Variants in SYTL2 observed in about 807,000 individuals in gnomAD.
The protein encoded by SYTL2 is synaptotagmin-like protein 2.
SYTL2 carries 165 observed loss-of-function variants against 198.7 expected under a neutral mutation model. That is an observed-to-expected ratio of 0.83 (90% CI 0.73 to 0.94). SYTL2 has a LOEUF of 0.94. SYTL2 is among the 40% of genes least tolerant of loss of function. The pLI is 0.00. For missense variants in SYTL2, 2,835 were observed against 2,582.8 expected (o/e 1.10, Z -2.12); for synonymous variants, 966 against 917.7 (o/e 1.05, Z -0.95).
intron 2 of SYTL2, among the ~76,000 whole-genome samples, chr11:85,752,810 T>C (rs368739253): frequency 1.3e-5 from 2 of 149,552 alleles, no homozygotes; most frequent in African/African-American, 2.5e-5. Context: ...TATGTGAAGA[T>C]CCATGTACAG....
chr11:85,724,266 G>A lies in SYTL2; in HGVS notation c.5092C>T (p.Leu1698Phe), dbSNP rs764830537. ...ESGVAGGQGT[L>F]QEPGFGEASE... ...GCCTCTCCAAAGCCAGGTTCCTGAA[G>A]AGTCCCTTGTCCCCCTGCAACCCCA... The change falls in exon 8 of 20, where the codon CTT becomes TTT. Residue 1698 changes from leucine (L) to phenylalanine (F), a missense_variant. Coordinates refer to ENST00000359152, the MANE Select transcript of SYTL2 (RefSeq NM_206927.4). 1.9e-6 allele frequency: 3 copies of A among 1,565,808 alleles called. No individual in the cohort carries two copies. The highest frequency in any genetic ancestry group is 2.0e-5 in the Admixed American group (1 of 50,068).
At chr11:85,824,361 A>C in the SYTL2 span, among the ~76,000 whole-genome samples, 1 of 152,118 alleles carries the variant, frequency 6.6e-6, no homozygotes, top group African/African-American at 2.4e-5. Flanking sequence ...TTATACAAGC[A>C]GGAGGCATCA....
At chr11:85,741,353 G>A (rs1216927411) in intron 4 of SYTL2, among the ~76,000 whole-genome samples, 2 of 152,174 alleles carry the variant, frequency 1.3e-5, no homozygotes, top group East Asian at 3.8e-4. Context: ...ATTTCTTTAA[G>A]TAAAATATTA....
rs370577240 is a variant in SYTL2 at position 85,724,708 on chromosome 11, T to C, written c.4650A>G (p.Thr1550=). The change falls in exon 8 of 20, where the codon ACA becomes ACG. Residue 1550 remains threonine (T), a synonymous_variant. Transcript: ENST00000359152. ...TTAACGGAGCCTCGGCCTTTTCTAC[T>C]GTTTCTTTTAATTCCTCAGGATGGC... The part of the protein sequence containing the change: ...SECHPEELKE[T]VEKAEAPLIT... 1 of 1,614,120 alleles carries C rather than the reference T, an allele frequency of 6.2e-7. No individual in the cohort carries two copies. The highest frequency in any genetic ancestry group is 8.5e-7 in the Non-Finnish European group (1 of 1,180,000).
At chr11:85,710,946 TA>T (rs376974442) in intron 13 of SYTL2, among the ~76,000 whole-genome samples, 166 bp downstream of exon 13, 164 of 144,130 alleles carry the variant, frequency 1.1e-3, no homozygotes, top group Admixed American at 1.3e-3. Context: ...CCCGTTAGTC[TA>T]AAAAAAAAAA....
At position 85,727,294 on chromosome 11, in the gene SYTL2, A is replaced by T; in HGVS notation, c.2064T>A (p.Asn688Lys). The T allele has an allele frequency of 6.5e-7, 1 of 1,535,594 alleles. No homozygotes were observed. The highest frequency in any genetic ancestry group is 8.7e-7 in the Non-Finnish European group (1 of 1,146,772). Residue 688 changes from asparagine to lysine, a missense_variant, in exon 8 of 20, where the codon AAT (asparagine) becomes AAA (lysine). This residue lies in a region of SYTL2 where 2,645 missense variants were observed against 2,381.7 expected (regional missense o/e 1.11). Transcript: ENST00000359152. Reference sequence around the variant, plus strand: ...CTTCTTCACCCAAGTTGCCAATATTATTAGTGTTGCATGGAACTTGGTTTT... The same window carrying T: ...CTTCTTCACCCAAGTTGCCAATATTTTTAGTGTTGCATGGAACTTGGTTTT... ...DAENQVPCNT[N>K]NIGNLGEEEP... is the part of the protein sequence containing the mutation.
intron 2 of SYTL2, among the ~76,000 whole-genome samples, chr11:85,752,950 A>AAAAAC (rs2091626385): frequency 1.4e-5 from 2 of 142,466 alleles, no homozygotes; most frequent in Admixed American, 1.4e-4. Flanking sequence ...AAAAAAAAAA[A>AAAAAC]ACACAACTAG....
chr11:85,719,107 G>A (rs926088752), intron 9 of SYTL2: 9 of 1,475,714 alleles, frequency 6.1e-6, no homozygotes, highest in African/African-American at 1.4e-5. Context: ...TTAGTTCAGA[G>A]CAAGCAATCG....
At chr11:85,743,073 C>G (rs566760483) in intron 4 of SYTL2, among the ~76,000 whole-genome samples, 4 of 152,308 alleles carry the variant, frequency 2.6e-5, no homozygotes, top group African/African-American at 9.6e-5. Flanking sequence ...GCCACAGAGC[C>G]TATTAGCAAA....
chr11:85,806,045 AATC>A (rs1449380253), intron 1 of SYTL2, among the ~76,000 whole-genome samples: 1 of 152,256 alleles, frequency 6.6e-6, no homozygotes, highest in Non-Finnish European at 1.5e-5. Flanking sequence ...TCACTGCAGT[AATC>A]TGAGGACACT....
chr11:85,748,999 C>A (rs2091346637), intron 2 of SYTL2, among the ~76,000 whole-genome samples: 1 of 152,016 alleles, frequency 6.6e-6, no homozygotes, highest in Admixed American at 6.6e-5. Flanking sequence ...GTCTCTGATG[C>A]TTATTGTTAG....
chr11:85,709,272 C>T (rs1231803762), intron 14 of SYTL2, 59 bp downstream of exon 14: 2 of 1,539,842 alleles, frequency 1.3e-6, no homozygotes, highest in East Asian at 2.2e-5. Flanking sequence ...CCTTCCAATT[C>T]CTGTAAGATT....
At chr11:85,792,030 A>T (rs893630339) in intron 1 of SYTL2, among the ~76,000 whole-genome samples, 3 of 152,098 alleles carry the variant, frequency 2.0e-5, no homozygotes, top group Non-Finnish European at 4.4e-5. Context: ...AATTGTATAG[A>T]ACAGATTATT....
chr11:85,799,687 T>G (rs1365690848), intron 1 of SYTL2, among the ~76,000 whole-genome samples: 3 of 152,132 alleles, frequency 2.0e-5, no homozygotes, highest in Non-Finnish European at 4.4e-5. Flanking sequence ...AGATCGCCTC[T>G]CAAATGCCAC....
Position 85,724,351 on chromosome 11 carries a change from C to A in SYTL2, c.5007G>T (p.Val1669=). Residue 1669 remains valine (V), a synonymous_variant, in exon 8 of 20, where the codon GTG becomes GTT. Transcript: ENST00000359152. The part of the protein sequence containing the change: ...VEIPRTPQLY[V]AHEIGTIKTV... The stretch of plus-strand genomic sequence containing the variant: ...TTTTAATGGTCCCTATTTCATGAGC[C>A]ACATAAAGTTGTGGGGTTCTAGGGA... 1 of 1,584,282 alleles carries A rather than the reference C, an allele frequency of 6.3e-7. No homozygotes were observed.
chr11:85,737,427 G>T (rs189306737), intron 5 of SYTL2, 148 bp downstream of exon 5: 32 of 638,456 alleles, frequency 5.0e-5, no homozygotes. Flanking sequence ...TCTTAAACTA[G>T]TGACTTCTTA....
intron 1 of SYTL2, among the ~76,000 whole-genome samples, chr11:85,789,378 G>GTATATATATATA (rs71036488): frequency 4.3e-5 from 1 of 23,130 alleles, no homozygotes; most frequent in South Asian, 2.0e-3. Flanking sequence ...ATATATATAT[G>GTATATATATATA]TATATATATA....
intron 2 of SYTL2, among the ~76,000 whole-genome samples, chr11:85,750,642 G>A (rs2091455395): frequency 6.6e-6 from 1 of 152,146 alleles, no homozygotes; most frequent in Non-Finnish European, 1.5e-5. Flanking sequence ...CACGGAGCCT[G>A]GAACAGAGCT....
At chr11:85,850,014 G>C in the SYTL2 span, among the ~76,000 whole-genome samples, 1 of 146,642 alleles carries the variant, frequency 6.8e-6, no homozygotes, top group Admixed American at 6.9e-5. Context: ...TCCCTTGTAA[G>C]TTGGATTCCT....
Sources: allele counts gnomAD v4.1 joint callset (sites outside exome capture counted in the v4.1 genomes callset), GRCh38; gene constraint gnomAD v4.1.1; regional missense constraint gnomAD v4.1.1; transcripts MANE v1.5; gene names NCBI Gene and HGNC (gene_info 2026-07-23, HGNC 2026-07-21).